The following BST1 variants were observed in gnomAD, a reference collection of about 807,000 sequenced individuals.
BST1 encodes bone marrow stromal cell antigen 1.
A neutral mutation model predicts 40.6 loss-of-function variants in BST1; 49 were observed. That is an observed-to-expected ratio of 1.21 (90% CI 0.96 to 1.53). BST1 has a LOEUF of 1.53. BST1 is among the 40% of genes most tolerant of loss of function. BST1 has a pLI of 0.00. For missense variants in BST1, 423 were observed against 395.9 expected (o/e 1.07, Z -0.58); for synonymous variants, 157 against 159.3 (o/e 0.99, Z 0.11).
chr4:15,744,433 A>G, the BST1 span, among the ~76,000 whole-genome samples: 2 of 152,142 alleles, frequency 1.3e-5, no homozygotes, highest in Non-Finnish European at 2.9e-5. Flanking sequence ...TTATAAAACC[A>G]TCAGATCTTG....
rs1577573817 is a variant in BST1, at chr4:15,712,097, G to A, written c.534+208G>A. Among the ~76,000 whole-genome samples the A allele has an allele frequency of 2.0e-5, 3 of 152,216 alleles. No individual in the cohort carries two copies. In the East Asian group the frequency reaches 5.8e-4, roughly 29 times the overall value. On this transcript the variant is annotated intron_variant, in intron 4 of 8. Transcript: ENST00000265016. The stretch of plus-strand genomic sequence containing the variant: ...TACTTAATGCAGTGCCTGGCACGGA[G>A]AAAACATTCTGTAAATGTTAGCTAT...
intron 3 of BST1, among the ~76,000 whole-genome samples, chr4:15,711,532 T>C (rs1720204685): frequency 6.6e-6 from 1 of 152,222 alleles, no homozygotes; most frequent in Admixed American, 6.5e-5. Context: ...TGCTCAGTGG[T>C]CAGCTAGACT....
chr4:15,762,207 A>T, the BST1 span, among the ~76,000 whole-genome samples: 1 of 150,200 alleles, frequency 6.7e-6, no homozygotes, highest in Non-Finnish European at 1.5e-5. Context: ...AAAAAAAAAA[A>T]AAAAAAAAAA....
chr4:15,725,981 G>A (rs1721088171), intron 8 of BST1, among the ~76,000 whole-genome samples: 1 of 113,922 alleles, frequency 8.8e-6, no homozygotes, highest in Non-Finnish European at 1.6e-5. Context: ...TTGAGACGAG[G>A]TCTCTCTCCT....
chr4:15,738,229 A>G (rs1721640191), exon 7 of BST1: 1 of 158,928 alleles, frequency 6.3e-6, no homozygotes, highest in South Asian at 1.8e-4. Flanking sequence ...GACAGAGCGT[A>G]TGTGGGAAGC....
downstream of BST1, among the ~76,000 whole-genome samples, chr4:15,741,606 C>G (rs1244236964): frequency 6.6e-6 from 1 of 152,046 alleles, no homozygotes; most frequent in East Asian, 1.9e-4. Context: ...TGTACAACCC[C>G]AAAGACACAC....
At chr4:15,723,316 G>A (rs1312346736) in intron 8 of BST1, 4 of 164,444 alleles carry the variant, frequency 2.4e-5, no homozygotes, top group Admixed American at 6.4e-5. Context: ...GCGCAATCTC[G>A]GCTCACTGCA....
the BST1 span, among the ~76,000 whole-genome samples, chr4:15,765,336 C>G: frequency 6.6e-6 from 1 of 152,072 alleles, no homozygotes; most frequent in African/African-American, 2.4e-5. Context: ...AAAATATATT[C>G]AGAATTTAAT....
the BST1 span, among the ~76,000 whole-genome samples, chr4:15,767,151 G>A: frequency 5.3e-5 from 8 of 150,186 alleles, no homozygotes; most frequent in East Asian, 5.8e-4. Flanking sequence ...AAAAGTTGAC[G>A]CTGGCAAGGA....
chr4:15,706,046 A>G (rs1018740973), intron 2 of BST1, among the ~76,000 whole-genome samples: 6 of 152,174 alleles, frequency 3.9e-5, no homozygotes, highest in Non-Finnish European at 7.3e-5. Flanking sequence ...CTTGTAAACA[A>G]CTGGATCTTC....
chr4:15,772,036 T>C, the BST1 span, among the ~76,000 whole-genome samples: 2 of 152,170 alleles, frequency 1.3e-5, no homozygotes, highest in Non-Finnish European at 2.9e-5. Context: ...TCTCTCTGTA[T>C]GCTGCTTGTT....
At chr4:15,740,172 G>C (rs1386694971), downstream of BST1, among the ~76,000 whole-genome samples, 1 of 152,122 alleles carries the variant, frequency 6.6e-6, no homozygotes, top group Non-Finnish European at 1.5e-5. Flanking sequence ...TCATGCCTCG[G>C]CCTCCCTAGC....
intron 7 of BST1, among the ~76,000 whole-genome samples, chr4:15,721,640 A>C: frequency 8.0e-6 from 1 of 124,428 alleles, no homozygotes; most frequent in African/African-American, 3.0e-5. Flanking sequence ...GGAATATCAC[A>C]CACTGGGGCC....
chr4:15,723,403 C>T (rs760166210), intron 8 of BST1: 42 of 236,496 alleles, frequency 1.8e-4, no homozygotes, highest in African/African-American at 8.9e-4. Flanking sequence ...CCTGCCACCA[C>T]GCCCAGCTAA....
chr4:15,770,732 C>T, the BST1 span, among the ~76,000 whole-genome samples: 6 of 148,138 alleles, frequency 4.1e-5, no homozygotes, highest in East Asian at 1.9e-4. Context: ...AACACCACTC[C>T]GATTCCTTCT....
chr4:15,753,272 G>A, the BST1 span, among the ~76,000 whole-genome samples: 18 of 152,196 alleles, frequency 1.2e-4, no homozygotes, highest in South Asian at 3.5e-3. Context: ...CTATCTCTGG[G>A]GCTCAGATAT....
chr4:15,733,166 C>T (rs1721448150), downstream of BST1, among the ~76,000 whole-genome samples: 1 of 152,246 alleles, frequency 6.6e-6, no homozygotes, highest in Non-Finnish European at 1.5e-5. Flanking sequence ...TGGTCCCACC[C>T]ACATCCTGCT....
Position 15,718,998 on chromosome 4 carries a change from G to A in BST1, c.791+5G>A, listed in dbSNP as rs1449063079. 4 of 1,612,446 alleles carry A rather than the reference G, an allele frequency of 2.5e-6. No individual in the cohort carries two copies. Among genetic ancestry groups the A allele is most frequent in the East Asian group, 2.2e-5 (1 of 44,854 alleles). On this transcript the variant is annotated splice_donor_5th_base_variant and intron_variant, in intron 7 of 8. Coordinates refer to ENST00000265016, the MANE Select transcript of BST1 (RefSeq NM_004334.3). ...CAGCTGTATTAATGATTACCGGTAG[G>A]TGGCCTATATATCAATGTGCTCTTG...
chr4:15,735,074 A>C (rs1315771110), downstream of BST1, among the ~76,000 whole-genome samples: 3 of 152,174 alleles, frequency 2.0e-5, no homozygotes, highest in Non-Finnish European at 4.4e-5. Flanking sequence ...CTCTACCCAG[A>C]CGTGCTCTCT....
Sources: gnomAD v4.1 joint callset for allele counts (sites outside exome capture counted in the v4.1 genomes callset) on GRCh38, gnomAD v4.1.1 for gene constraint, MANE v1.5 for transcripts, NCBI Gene and HGNC (gene_info 2026-07-23, HGNC 2026-07-21) for gene names.